Variants in KCTD1 observed in about 807,000 individuals in gnomAD.
KCTD1 encodes the protein BTB/POZ domain-containing protein KCTD1.
KCTD1 carries 24 observed loss-of-function variants against 66.0 expected under a neutral mutation model. That is an observed-to-expected ratio of 0.36 (90% CI 0.26 to 0.51). KCTD1 has a LOEUF of 0.51. Among genes scored for constraint, KCTD1 ranks in the 20% least tolerant of loss-of-function variants. The pLI is 0.95. For missense variants in KCTD1, 943 were observed against 1,205.2 expected (o/e 0.78, Z 3.22); for synonymous variants, 511 against 517.2 (o/e 0.99, Z 0.16).
chr18:26,495,186 T>C (rs1390170824), intron 2 of KCTD1, among the ~76,000 whole-genome samples: 6 of 152,124 alleles, frequency 3.9e-5, no homozygotes, highest in Admixed American at 3.3e-4. Context: ...CTACGAACTG[T>C]AGTGTTAAAA....
intron 1 of KCTD1, among the ~76,000 whole-genome samples, chr18:26,513,640 C>G (rs1983473123): frequency 6.6e-6 from 1 of 152,256 alleles, no homozygotes; most frequent in Non-Finnish European, 1.5e-5. Flanking sequence ...TTTTCTCTCT[C>G]ACTTCAGCTT....
upstream of KCTD1, chr18:26,549,400 T>C: frequency 1.0e-6 from 1 of 985,118 alleles, no homozygotes; most frequent in Non-Finnish European, 1.2e-6. Flanking sequence ...CCTGGGGCGC[T>C]CCCCGTAGGT....
intron 1 of KCTD1, among the ~76,000 whole-genome samples, chr18:26,557,981 TTC>T (rs1262363216): frequency 3.9e-5 from 6 of 152,364 alleles, no homozygotes; most frequent in African/African-American, 1.4e-4. Context: ...TTTCCTGACA[TTC>T]TCTGTTTCAT....
At chr18:26,643,350 G>A (rs753972088), upstream of KCTD1, among the ~76,000 whole-genome samples, 3 of 152,154 alleles carry the variant, frequency 2.0e-5, no homozygotes, top group Non-Finnish European at 4.4e-5. Flanking sequence ...CACCATGGGG[G>A]TGGGGTTTCA....
chr18:26,538,720 C>T (rs1352928940), intron 1 of KCTD1, among the ~76,000 whole-genome samples: 2 of 152,214 alleles, frequency 1.3e-5, no homozygotes, highest in Non-Finnish European at 2.9e-5. Context: ...TCTCATTTAA[C>T]ACCCATGCTC....
intron 2 of KCTD1, among the ~76,000 whole-genome samples, chr18:26,496,321 A>T (rs1382972519): frequency 6.6e-6 from 1 of 152,170 alleles, no homozygotes; most frequent in Non-Finnish European, 1.5e-5. Flanking sequence ...TCCATTTATA[A>T]TTCTTTTTTG....
chr18:26,501,518 T>C (rs2144681500), intron 1 of KCTD1, among the ~76,000 whole-genome samples: 1 of 152,362 alleles, frequency 6.6e-6, no homozygotes, highest in African/African-American at 2.4e-5. Flanking sequence ...CTTATTATAC[T>C]AAGAAATTCT....
At chr18:26,579,179 A>T (rs114093266) in intron 1 of KCTD1, among the ~76,000 whole-genome samples, 2,029 of 152,244 alleles carry the variant, frequency 0.013, 52 homozygotes, top group African/African-American at 0.045. Context: ...GCACACAGTC[A>T]GTGCTCTAAA....
chr18:26,594,679 C>T (rs778445956), intron 1 of KCTD1, among the ~76,000 whole-genome samples: 13 of 152,168 alleles, frequency 8.5e-5, no homozygotes, highest in Non-Finnish European at 1.9e-4. Flanking sequence ...GCCCAAATGT[C>T]TGGTCAACCA....
intron 1 of KCTD1, among the ~76,000 whole-genome samples, chr18:26,648,396 C>T (rs1260895044): frequency 1.3e-5 from 2 of 152,202 alleles, no homozygotes; most frequent in Non-Finnish European, 2.9e-5. Flanking sequence ...ACTCTCACTG[C>T]GGATTTCTCT....
chr18:26,483,697 A>G (rs1981765723), intron 2 of KCTD1, among the ~76,000 whole-genome samples: 1 of 152,310 alleles, frequency 6.6e-6, no homozygotes, highest in African/African-American at 2.4e-5. Flanking sequence ...AGACAAATCC[A>G]GGGTGGAGGC....
chr18:26,490,789 C>T (rs971726369), intron 2 of KCTD1, among the ~76,000 whole-genome samples: 1 of 151,868 alleles, frequency 6.6e-6, no homozygotes, highest in Non-Finnish European at 1.5e-5. Flanking sequence ...CTTTCTGTGT[C>T]GCCCAGGGTC....
chr18:26,540,031 A>T (rs1984901409), intron 1 of KCTD1, among the ~76,000 whole-genome samples: 1 of 152,212 alleles, frequency 6.6e-6, no homozygotes, highest in South Asian at 2.1e-4. Context: ...GCACACAGTG[A>T]AAGGGCCCAA....
chr18:26,493,853 CAGCCCACTACCCT>C (rs2144659758), intron 2 of KCTD1, among the ~76,000 whole-genome samples: 1 of 152,336 alleles, frequency 6.6e-6, no homozygotes, highest in South Asian at 2.1e-4. Flanking sequence ...CCTCCACCCC[CAGCCCACTACCCT>C]AGATGCCATT....
intron 1 of KCTD1, among the ~76,000 whole-genome samples, chr18:26,575,965 A>G (rs142642335): frequency 2.0e-5 from 3 of 152,220 alleles, no homozygotes; most frequent in Admixed American, 6.5e-5. Flanking sequence ...ATGCTTACAC[A>G]TTCCAGACAC....
chr18:26,571,344 A>T (rs1986101217), intron 1 of KCTD1, among the ~76,000 whole-genome samples: 1 of 152,178 alleles, frequency 6.6e-6, no homozygotes, highest in Non-Finnish European at 1.5e-5. Context: ...AATCAAGAAC[A>T]CTTCATATTG....
intron 1 of KCTD1, among the ~76,000 whole-genome samples, chr18:26,522,444 C>A (rs1983959406): frequency 2.6e-5 from 4 of 152,176 alleles, no homozygotes; most frequent in African/African-American, 9.7e-5. Context: ...ACCAACCACG[C>A]CGACGACCTT....
At chr18:26,579,030 G>A (rs1986291884) in intron 1 of KCTD1, among the ~76,000 whole-genome samples, 1 of 151,830 alleles carries the variant, frequency 6.6e-6, no homozygotes, top group South Asian at 2.1e-4. Flanking sequence ...TACAGGATGT[G>A]TTTTTACCTG....
chr18:26,615,007 T>C (rs890622891), intron 1 of KCTD1, among the ~76,000 whole-genome samples: 3 of 152,248 alleles, frequency 2.0e-5, no homozygotes, highest in Non-Finnish European at 4.4e-5. Context: ...CTCAGCACTT[T>C]CTTAGGAAGG....
Sources: allele counts gnomAD v4.1 joint callset (sites outside exome capture counted in the v4.1 genomes callset), GRCh38; gene constraint gnomAD v4.1.1; transcripts MANE v1.5; gene names NCBI Gene and HGNC (gene_info 2026-07-23, HGNC 2026-07-21).